SMIM36: variants seen among roughly 807,000 people sequenced by gnomAD.
SMIM36 encodes the protein small integral membrane protein 36.
intron 4 of SMIM36, among the ~76,000 whole-genome samples, chr17:55,463,605 CTT>C (rs1453087480): frequency 6.6e-6 from 1 of 152,042 alleles, no homozygotes; most frequent in Non-Finnish European, 1.5e-5. Context: ...AATGTGGTCT[CTT>C]ATTATACTGT....
chr17:55,512,483 G>T (rs144627949), upstream of SMIM36, among the ~76,000 whole-genome samples: 1 of 152,196 alleles, frequency 6.6e-6, no homozygotes, highest in Non-Finnish European at 1.5e-5. Flanking sequence ...CTGCCTCAAG[G>T]ATGCAGAAAA....
At chr17:55,513,903 C>T (rs976025598), upstream of SMIM36, among the ~76,000 whole-genome samples, 14 of 152,084 alleles carry the variant, frequency 9.2e-5, no homozygotes, top group African/African-American at 3.4e-4. Flanking sequence ...TCTTAGATTG[C>T]CCCCATTCTG....
chr17:55,520,626 C>G, the SMIM36 span, among the ~76,000 whole-genome samples: 1 of 152,054 alleles, frequency 6.6e-6, no homozygotes, highest in Non-Finnish European at 1.5e-5. Context: ...AATTCAGGTC[C>G]CAGGTAGGGC....
chr17:55,511,744 G>A (rs1910185502), upstream of SMIM36, among the ~76,000 whole-genome samples: 4 of 152,316 alleles, frequency 2.6e-5, no homozygotes, highest in South Asian at 8.3e-4. Flanking sequence ...CTGGACAATT[G>A]TGCTGTCTTT....
chr17:55,483,425 G>C (rs1909551928), intron 1 of SMIM36, among the ~76,000 whole-genome samples: 1 of 152,180 alleles, frequency 6.6e-6, no homozygotes, highest in Non-Finnish European at 1.5e-5. Flanking sequence ...ATGTTGCTAG[G>C]AAGGTACTTT....
intron 1 of SMIM36, among the ~76,000 whole-genome samples, chr17:55,508,928 C>CAAAAAAAAAAAA (rs35834283): frequency 1.0e-5 from 1 of 97,048 alleles, no homozygotes; most frequent in Non-Finnish European, 2.1e-5. Context: ...TGTCTCAGAA[C>CAAAAAAAAAAAA]AAAAAAAAAA....
At chr17:55,475,204 C>T (rs1265231493) in intron 3 of SMIM36, among the ~76,000 whole-genome samples, 2 of 152,118 alleles carry the variant, frequency 1.3e-5, no homozygotes, top group African/African-American at 4.8e-5. Context: ...ATGCCCTGCC[C>T]CTGTTTACAC....
chr17:55,526,352 T>G, the SMIM36 span, among the ~76,000 whole-genome samples: 9 of 152,044 alleles, frequency 5.9e-5, no homozygotes, highest in Admixed American at 2.0e-4. Context: ...AGAGATGGTG[T>G]TTCACCATGT....
At chr17:55,463,386 C>T (rs1909178828) in intron 4 of SMIM36, among the ~76,000 whole-genome samples, 1 of 151,664 alleles carries the variant, frequency 6.6e-6, no homozygotes, top group South Asian at 2.1e-4. Flanking sequence ...AGAACCCATC[C>T]CTAAAAAAAG....
chr17:55,479,009 CTCTA>C (rs1334026239), intron 2 of SMIM36, among the ~76,000 whole-genome samples, 196 bp from the exon 3 acceptor site: 3 of 152,146 alleles, frequency 2.0e-5, no homozygotes, highest in Non-Finnish European at 4.4e-5. Context: ...CTCCATAGTG[CTCTA>C]TCTTTCTGAT....
At chr17:55,510,138 A>C (rs1190075425) in intron 1 of SMIM36, among the ~76,000 whole-genome samples, 1 of 152,090 alleles carries the variant, frequency 6.6e-6, no homozygotes, top group African/African-American at 2.4e-5. Flanking sequence ...GAGGTGGCTC[A>C]ACTTAACCAT....
upstream of SMIM36, among the ~76,000 whole-genome samples, chr17:55,511,708 T>G (rs766603226): frequency 6.6e-6 from 1 of 152,180 alleles, no homozygotes; most frequent in Non-Finnish European, 1.5e-5. Flanking sequence ...AAGCACTCCA[T>G]GATGACAGCT....
intron 4 of SMIM36, among the ~76,000 whole-genome samples, chr17:55,463,947 C>G (rs928825117): frequency 1.3e-5 from 2 of 152,078 alleles, no homozygotes; most frequent in African/African-American, 4.8e-5. Context: ...AAAACCCAGA[C>G]TCTACTAAAA....
At chr17:55,498,238 C>T (rs980839886) in intron 1 of SMIM36, among the ~76,000 whole-genome samples, 3 of 152,256 alleles carry the variant, frequency 2.0e-5, no homozygotes, top group South Asian at 2.1e-4. Context: ...CTAATTATAC[C>T]GGTAATGACA....
intron 1 of SMIM36, among the ~76,000 whole-genome samples, chr17:55,501,478 TTATTA>T: frequency 1.0e-5 from 1 of 98,868 alleles, no homozygotes; most frequent in Middle Eastern, 4.9e-3. Context: ...TATTTTATAA[TTATTA>T]TATATAATAT....
chr17:55,459,608 G>A (rs146440660), intron 4 of SMIM36, among the ~76,000 whole-genome samples: 27 of 152,266 alleles, frequency 1.8e-4, no homozygotes, highest in Middle Eastern at 3.4e-3. Flanking sequence ...AGTTGATTAT[G>A]CAATTATTTG....
the SMIM36 span, among the ~76,000 whole-genome samples, chr17:55,522,581 C>A: frequency 6.6e-6 from 1 of 152,184 alleles, no homozygotes; most frequent in East Asian, 1.9e-4. Context: ...TAATCAGTAC[C>A]ATGAAAACAG....
upstream of SMIM36, among the ~76,000 whole-genome samples, chr17:55,515,086 G>GTTTTTTTTT (rs1158864125): frequency 6.5e-4 from 35 of 54,094 alleles, 8 homozygotes; most frequent in Non-Finnish European, 9.7e-4. Flanking sequence ...CTAGTCTAGT[G>GTTTTTTTTT]TTTTTTTTTT....
At chr17:55,466,539 C>T (rs924110941) in intron 4 of SMIM36, among the ~76,000 whole-genome samples, 3 of 152,192 alleles carry the variant, frequency 2.0e-5, no homozygotes, top group Non-Finnish European at 4.4e-5. Flanking sequence ...CAAGTCCAGA[C>T]ATCATATTCC....
Sources: allele counts gnomAD v4.1 joint callset (sites outside exome capture counted in the v4.1 genomes callset), GRCh38; gene constraint gnomAD v4.1.1; transcripts MANE v1.5; gene names NCBI Gene and HGNC (gene_info 2026-07-23, HGNC 2026-07-21).